The following LRMDA variants were observed in gnomAD, a reference collection of about 807,000 sequenced individuals.
LRMDA encodes the protein leucine-rich melanocyte differentiation-associated protein.
In LRMDA, 18 loss-of-function variants were observed where a neutral mutation model predicts 29.8. The ratio of observed to expected loss-of-function variants is 0.60; its 90% CI spans 0.42 to 0.90. The LOEUF (loss-of-function observed/expected upper bound fraction) is 0.90, where lower values mean the gene tolerates loss of function less well. Among genes scored for constraint, LRMDA ranks in the 40% least tolerant of loss-of-function variants. LRMDA has a pLI of 0.00. For missense variants in LRMDA, 273 were observed against 273.9 expected (o/e 1.00, Z 0.02); for synonymous variants, 125 against 109.4 (o/e 1.14, Z -0.89).
At chr10:76,508,106 C>T (rs2132349126) in intron 6 of LRMDA, among the ~76,000 whole-genome samples, 1 of 152,256 alleles carries the variant, frequency 6.6e-6, no homozygotes, top group Non-Finnish European at 1.5e-5. Context: ...ATACTGCATC[C>T]TTCTCAGTGC....
intron 2 of LRMDA, among the ~76,000 whole-genome samples, chr10:75,958,885 C>T (rs1846712126): frequency 1.3e-5 from 2 of 152,134 alleles, no homozygotes; most frequent in East Asian, 1.9e-4. Context: ...TACATGGTGG[C>T]AGATGAGAGA....
At chr10:76,297,110 C>A (rs148486107) in intron 5 of LRMDA, among the ~76,000 whole-genome samples, 33 of 152,340 alleles carry the variant, frequency 2.2e-4, no homozygotes, top group African/African-American at 7.0e-4. Flanking sequence ...CCGCAGATAC[C>A]TTCTGCCTGT....
intron 2 of LRMDA, among the ~76,000 whole-genome samples, chr10:75,811,386 T>C (rs555459456): frequency 1.7e-4 from 26 of 152,262 alleles, no homozygotes; most frequent in Admixed American, 2.6e-4. Flanking sequence ...CCTCCTCTAG[T>C]ATTCTTGGGG....
intron 6 of LRMDA, among the ~76,000 whole-genome samples, chr10:76,454,253 G>A (rs190411471): frequency 2.0e-5 from 3 of 152,198 alleles, no homozygotes. Flanking sequence ...TTGATCTTTG[G>A]GTGATTGCAT....
At chr10:76,253,150 T>G (rs1244048672) in intron 5 of LRMDA, among the ~76,000 whole-genome samples, 1 of 152,188 alleles carries the variant, frequency 6.6e-6, no homozygotes, top group Non-Finnish European at 1.5e-5. Flanking sequence ...AGTTTTCAGA[T>G]CTAAGTGGGT....
chr10:75,634,324 A>T (rs368518921), intron 2 of LRMDA, among the ~76,000 whole-genome samples: 6 of 152,346 alleles, frequency 3.9e-5, no homozygotes, highest in African/African-American at 1.4e-4. Flanking sequence ...CTGACCATTA[A>T]GCATTCTATT....
intron 5 of LRMDA, among the ~76,000 whole-genome samples, chr10:76,145,596 T>G (rs1850299948): frequency 6.6e-6 from 1 of 152,234 alleles, no homozygotes; most frequent in Non-Finnish European, 1.5e-5. Flanking sequence ...TCTTTAGTAG[T>G]CTTGCTAACA....
intron 2 of LRMDA, among the ~76,000 whole-genome samples, chr10:76,015,116 G>A (rs1347118568): frequency 6.6e-6 from 1 of 152,246 alleles, no homozygotes; most frequent in Non-Finnish European, 1.5e-5. Context: ...GAGGGACTTG[G>A]TTGGAAGATT....
intron 2 of LRMDA, among the ~76,000 whole-genome samples, chr10:75,596,344 T>G (rs1342153480): frequency 6.6e-6 from 1 of 152,220 alleles, no homozygotes; most frequent in Non-Finnish European, 1.5e-5. Context: ...TGAAGGTGAC[T>G]GTGACAGGAT....
chr10:76,053,627 G>T (rs1848565110), intron 4 of LRMDA, among the ~76,000 whole-genome samples: 1 of 152,156 alleles, frequency 6.6e-6, no homozygotes, highest in Non-Finnish European at 1.5e-5. Context: ...CAAGCAGGAA[G>T]CCCACTGACT....
chr10:76,396,723 A>G (rs1362152632), intron 6 of LRMDA: 2 of 152,260 alleles, frequency 1.3e-5, no homozygotes, highest in Non-Finnish European at 2.9e-5. Flanking sequence ...CCCAGGGCAG[A>G]CAAGAAGGAA....
chr10:75,601,145 A>T (rs1840880605), intron 2 of LRMDA: 1 of 152,222 alleles, frequency 6.6e-6, no homozygotes, highest in Admixed American at 6.5e-5. Flanking sequence ...GGGTTTGTAA[A>T]GTGAAGCTGT....
intron 6 of LRMDA, among the ~76,000 whole-genome samples, chr10:76,340,515 CAAAAAAA>C (rs1174024731): frequency 1.1e-4 from 8 of 75,756 alleles, no homozygotes; most frequent in Admixed American, 2.0e-4. Flanking sequence ...GAACCTGTAT[CAAAAAAA>C]AAAAAAAAAA....
At chr10:76,492,936 T>C (rs1193032700) in intron 6 of LRMDA, among the ~76,000 whole-genome samples, 6 of 151,978 alleles carry the variant, frequency 3.9e-5, no homozygotes, top group Non-Finnish European at 7.4e-5. Flanking sequence ...CAAGGTGAGA[T>C]TTGGATGGGG....
intron 2 of LRMDA, among the ~76,000 whole-genome samples, chr10:75,774,995 G>A (rs535279562): frequency 3.9e-5 from 6 of 152,306 alleles, no homozygotes; most frequent in South Asian, 4.1e-4. Flanking sequence ...AGCCTCAGTC[G>A]GGAAGTGGTT....
chr10:76,136,177 A>G (rs1159123079), intron 5 of LRMDA, among the ~76,000 whole-genome samples: 2 of 152,234 alleles, frequency 1.3e-5, no homozygotes, highest in Non-Finnish European at 2.9e-5. Flanking sequence ...TTACTAATTT[A>G]CAATTTATGA....
At chr10:75,593,843 C>T (rs1351562880) in intron 2 of LRMDA, among the ~76,000 whole-genome samples, 1 of 151,192 alleles carries the variant, frequency 6.6e-6, no homozygotes, top group Non-Finnish European at 1.5e-5. Flanking sequence ...CTCTCGGTGG[C>T]CGTCAGCCTG....
chr10:75,449,750 CTTCT>C, intron 2 of LRMDA, among the ~76,000 whole-genome samples: 1 of 152,254 alleles, frequency 6.6e-6, no homozygotes, highest in Middle Eastern at 3.4e-3. Context: ...AACTTATCTT[CTTCT>C]TTCTTCCTCT....
intron 5 of LRMDA, among the ~76,000 whole-genome samples, chr10:76,105,974 T>A (rs1325973742): frequency 6.6e-6 from 1 of 152,196 alleles, no homozygotes; most frequent in Non-Finnish European, 1.5e-5. Flanking sequence ...CTCAAACTCC[T>A]GACCTCAGGT....
Sources: allele counts gnomAD v4.1 joint callset (sites outside exome capture counted in the v4.1 genomes callset), GRCh38; gene constraint gnomAD v4.1.1; transcripts MANE v1.5; gene names NCBI Gene and HGNC (gene_info 2026-07-23, HGNC 2026-07-21).